The following RALYL variants were observed in gnomAD, a reference collection of about 807,000 sequenced individuals.
RALYL encodes RALY RNA binding protein like.
RALYL carries 29 observed loss-of-function variants against 35.1 expected under a neutral mutation model. The ratio of observed to expected loss-of-function variants is 0.83; its 90% CI spans 0.61 to 1.13. The LOEUF (loss-of-function observed/expected upper bound fraction) is 1.13, where lower values mean the gene tolerates loss of function less well. Among genes scored for constraint, RALYL ranks in the 50% most tolerant of loss-of-function variants. The probability of loss-of-function intolerance (pLI) is 0.00; values close to 1 mark genes in which losing one functional copy is unlikely to be tolerated. For synonymous variants in RALYL, 120 were observed against 127.6 expected (o/e 0.94, Z 0.40); for missense variants, 359 against 360.4 (o/e 1.00, Z 0.03).
intron 1 of RALYL, among the ~76,000 whole-genome samples, chr8:84,328,437 C>A (rs968003969): frequency 6.6e-6 from 1 of 152,134 alleles, no homozygotes; most frequent in African/African-American, 2.4e-5. Flanking sequence ...GCTGCATTAC[C>A]TTTGTCCTTT....
At chr8:84,487,094 A>G (rs2054718294) in intron 1 of RALYL, among the ~76,000 whole-genome samples, 1 of 152,082 alleles carries the variant, frequency 6.6e-6, no homozygotes, top group Non-Finnish European at 1.5e-5. Flanking sequence ...TGATTATATA[A>G]TGAAGTTGTC....
At chr8:84,562,382 A>G (rs2135602213) in intron 2 of RALYL, among the ~76,000 whole-genome samples, 1 of 152,098 alleles carries the variant, frequency 6.6e-6, no homozygotes, top group East Asian at 1.9e-4. Flanking sequence ...AATGGTATCA[A>G]AAACTCATAA....
intron 1 of RALYL, among the ~76,000 whole-genome samples, chr8:84,195,720 T>C (rs947502207): frequency 6.6e-6 from 1 of 152,086 alleles, no homozygotes; most frequent in Non-Finnish European, 1.5e-5. Flanking sequence ...AAGCCAGGAA[T>C]GTATGACAGT....
chr8:84,460,244 A>T (rs1030656774), intron 1 of RALYL, among the ~76,000 whole-genome samples: 3 of 151,746 alleles, frequency 2.0e-5, no homozygotes, highest in African/African-American at 7.2e-5. Context: ...TGGAAGTCTA[A>T]ATGGGTAGAA....
chr8:84,480,323 TG>T (rs1325540069), intron 1 of RALYL, among the ~76,000 whole-genome samples: 1 of 152,020 alleles, frequency 6.6e-6, no homozygotes. Context: ...GAAACTAAAG[TG>T]GGTTAATGAA....
At chr8:84,654,554 C>A (rs907854757) in intron 2 of RALYL, among the ~76,000 whole-genome samples, 4 of 151,708 alleles carry the variant, frequency 2.6e-5, no homozygotes, top group Non-Finnish European at 5.9e-5. Context: ...TTTCTGTACC[C>A]ATTAATCATC....
At chr8:84,205,912 C>A (rs1004751816) in intron 1 of RALYL, among the ~76,000 whole-genome samples, 2 of 152,114 alleles carry the variant, frequency 1.3e-5, no homozygotes, top group African/African-American at 4.8e-5. Flanking sequence ...TCTTCTGAGG[C>A]CTGTCTCCTT....
At chr8:84,210,442 G>T (rs1819206857) in intron 1 of RALYL, among the ~76,000 whole-genome samples, 1 of 150,902 alleles carries the variant, frequency 6.6e-6, no homozygotes, top group Non-Finnish European at 1.5e-5. Context: ...AGCACGAGTT[G>T]CTTCTCACTT....
At chr8:84,539,077 T>A (rs2059814220) in intron 2 of RALYL, among the ~76,000 whole-genome samples, 1 of 152,160 alleles carries the variant, frequency 6.6e-6, no homozygotes, top group South Asian at 2.1e-4. Flanking sequence ...TAGCTTGCAA[T>A]GTTTGTGAAA....
intron 1 of RALYL, among the ~76,000 whole-genome samples, chr8:84,427,174 T>G (rs1007140314): frequency 1.3e-5 from 2 of 152,220 alleles, no homozygotes; most frequent in Non-Finnish European, 2.9e-5. Flanking sequence ...CTAGCAAGTG[T>G]GTGCATGAGA....
At chr8:84,420,397 G>GT (rs1274803267) in intron 1 of RALYL, among the ~76,000 whole-genome samples, 6 of 151,918 alleles carry the variant, frequency 3.9e-5, no homozygotes, top group Non-Finnish European at 8.8e-5. Flanking sequence ...GGCGTTGTTT[G>GT]TTTTTTTCTT....
chr8:84,681,244 G>A (rs1394796076), intron 2 of RALYL, among the ~76,000 whole-genome samples: 1 of 152,126 alleles, frequency 6.6e-6, no homozygotes, highest in Non-Finnish European at 1.5e-5. Context: ...TGGTGTTTTG[G>A]TTCCCGTAGC....
chr8:84,397,869 G>A lies in RALYL; in HGVS notation c.-23-131430G>A, dbSNP rs142936395. Among the ~76,000 whole-genome samples the A allele has an allele frequency of 3.9e-3, 599 of 152,302 alleles. 2 individuals carry two copies. Among genetic ancestry groups the A allele is most frequent in the Middle Eastern group, 6.8e-3 (2 of 294 alleles). On this transcript the variant is annotated intron_variant, in intron 1 of 8. Coordinates refer to ENST00000521268, the MANE Select transcript of RALYL (RefSeq NM_173848.7). ...AGACCCATACTTCCTTTTATAAGGTGAAGGGAAAAGCTGTAATAGCTTCTT... is the reference window on the plus strand; with the variant it reads ...AGACCCATACTTCCTTTTATAAGGTAAAGGGAAAAGCTGTAATAGCTTCTT...
intron 2 of RALYL, among the ~76,000 whole-genome samples, chr8:84,582,291 T>C (rs2135987581): frequency 6.6e-6 from 1 of 152,312 alleles, no homozygotes; most frequent in South Asian, 2.1e-4. Flanking sequence ...CCTATAACCA[T>C]GTGGAGAGTA....
intron 1 of RALYL, among the ~76,000 whole-genome samples, chr8:84,266,561 G>A (rs1419460994): frequency 6.6e-6 from 1 of 152,202 alleles, no homozygotes; most frequent in Non-Finnish European, 1.5e-5. Flanking sequence ...AGACAGATCA[G>A]GCTAGCCCTC....
chr8:84,419,147 C>G (rs914078390), intron 1 of RALYL, among the ~76,000 whole-genome samples: 1 of 152,212 alleles, frequency 6.6e-6, no homozygotes. Flanking sequence ...AACCCCTTCT[C>G]TGTGTCTATT....
At chr8:84,774,198 G>A (rs1387159632) in intron 2 of RALYL, among the ~76,000 whole-genome samples, 3 of 152,116 alleles carry the variant, frequency 2.0e-5, no homozygotes, top group Non-Finnish European at 2.9e-5. Flanking sequence ...CAGCCTGGGC[G>A]ACAGAGCAAA....
At chr8:84,189,534 G>A (rs1232789138) in intron 1 of RALYL, among the ~76,000 whole-genome samples, 1 of 152,042 alleles carries the variant, frequency 6.6e-6, no homozygotes, top group African/African-American at 2.4e-5. Flanking sequence ...TCAAATGAAT[G>A]CAATTCCATT....
chr8:84,810,252 T>A (rs182660207), intron 4 of RALYL, among the ~76,000 whole-genome samples: 39 of 152,298 alleles, frequency 2.6e-4, no homozygotes, highest in African/African-American at 8.4e-4. Flanking sequence ...TCAATGCCCA[T>A]TCCAGAGCAG....
Sources: allele counts gnomAD v4.1 joint callset (sites outside exome capture counted in the v4.1 genomes callset), GRCh38; gene constraint gnomAD v4.1.1; transcripts MANE v1.5; gene names NCBI Gene and HGNC (gene_info 2026-07-23, HGNC 2026-07-21).